The following POC1A variants were observed in gnomAD, a reference collection of about 807,000 sequenced individuals.
The protein encoded by POC1A is POC1 centriolar protein homolog A.
In POC1A, 34 loss-of-function variants were observed where a neutral mutation model predicts 47.8. The ratio of observed to expected loss-of-function variants is 0.71; its 90% CI spans 0.54 to 0.95. POC1A has a LOEUF of 0.95. Ranked by LOEUF, POC1A falls within the 40% of genes least tolerant of loss-of-function variation. The probability of loss-of-function intolerance (pLI) is 0.00; values close to 1 mark genes in which losing one functional copy is unlikely to be tolerated. For missense variants in POC1A, 466 were observed against 528.3 expected (o/e 0.88, Z 1.16); for synonymous variants, 177 against 207.6 (o/e 0.85, Z 1.27).
chr3:52,131,318 G>C (rs1211642913), intron 7 of POC1A, among the ~76,000 whole-genome samples: 2 of 152,314 alleles, frequency 1.3e-5, no homozygotes, highest in East Asian at 1.9e-4. Flanking sequence ...GTGGTAGTTG[G>C]TAGGGAAGCC....
intron 8 of POC1A, among the ~76,000 whole-genome samples, chr3:52,122,826 A>G (rs1182603447): frequency 1.3e-5 from 2 of 152,254 alleles, no homozygotes; most frequent in Admixed American, 1.3e-4. Flanking sequence ...CCACCTTCTC[A>G]GAGAGGCCTT....
At position 52,096,691 on chromosome 3, in the gene POC1A, G is replaced by A. The variant is rs1479211661; in HGVS notation, c.1003C>T (p.Pro335Ser). Reference sequence around the variant, plus strand: ...TCCACACTCCTGCCTCTGCCTGGGGGGACAGGGAAGTCCACTTCTGGCTAA... The same window carrying A: ...TCCACACTCCTGCCTCTGCCTGGGGAGACAGGGAAGTCCACTTCTGGCTAA... ...GNLPEVDFPV[P>S]PGRGRSVESV... The change falls in exon 10 of 11, where the codon CCC becomes TCC. Residue 335 changes from proline (P) to serine (S), a missense_variant. Pro to Ser is a moderately conservative substitution (Grantham distance 74). Coordinates refer to ENST00000296484, the MANE Select transcript of POC1A (RefSeq NM_015426.5). 1 of 1,596,344 alleles carries A rather than the reference G, an allele frequency of 6.3e-7. No homozygotes were observed. The highest frequency in any genetic ancestry group is 2.3e-5 in the East Asian group (1 of 43,952).
At position 52,090,631 on chromosome 3, in the gene POC1A, GA is replaced by G. The variant is rs1452580161; in HGVS notation, c.1125+5937del. Among the ~76,000 whole-genome samples the G allele has an allele frequency of 3.3e-5, 5 of 152,158 alleles. No homozygotes were observed. Among genetic ancestry groups the G allele is most frequent in the Admixed American group, 1.3e-4 (2 of 15,278 alleles). On this transcript the variant is annotated intron_variant, in intron 10 of 10. Transcript: ENST00000296484. The surrounding 1 kb of genome is among the most constrained non-coding windows in gnomAD (Gnocchi z 4.2). ...GCTCATGTAGCAGTGGCTATTTGTG[GA>G]AACAGCCTCTCTCCCTGCTCACTGG... is the stretch of plus-strand genomic sequence containing the variant.
At chr3:52,124,259 T>C (rs780293000) in intron 8 of POC1A, among the ~76,000 whole-genome samples, 1 of 152,224 alleles carries the variant, frequency 6.6e-6, no homozygotes, top group African/African-American at 2.4e-5. Flanking sequence ...AAGAGGACCA[T>C]GCGGACACTG....
chr3:52,149,665 C>T (rs1250114580), intron 3 of POC1A, 151 bp downstream of exon 3: 14 of 774,928 alleles, frequency 1.8e-5, no homozygotes, highest in South Asian at 3.5e-5. Flanking sequence ...AGGGCTCCAA[C>T]TGCAGCCCCA....
At chr3:52,085,736 C>T (rs1702438313) in intron 10 of POC1A, among the ~76,000 whole-genome samples, 1 of 152,226 alleles carries the variant, frequency 6.6e-6, no homozygotes, top group African/African-American at 2.4e-5. Flanking sequence ...ACCACTAACT[C>T]GCCGAGCAGC....
intron 1 of POC1A, among the ~76,000 whole-genome samples, chr3:52,153,287 C>G (rs1698613443): frequency 6.6e-6 from 1 of 152,226 alleles, no homozygotes; most frequent in Admixed American, 6.5e-5. Context: ...AACATCTCCC[C>G]CTACTCTAAG....
At chr3:52,085,898 T>C (rs1226993949) in intron 10 of POC1A, among the ~76,000 whole-genome samples, 2 of 152,202 alleles carry the variant, frequency 1.3e-5, no homozygotes, top group Non-Finnish European at 2.9e-5. Flanking sequence ...ATGACTCCTC[T>C]AGCCATTGCC....
intron 9 of POC1A, among the ~76,000 whole-genome samples, chr3:52,097,270 C>A (rs1383614420): frequency 6.6e-6 from 1 of 152,220 alleles, no homozygotes; most frequent in Non-Finnish European, 1.5e-5. Flanking sequence ...TGTTCCAACC[C>A]CACCCTGGCC....
At chr3:52,119,312 C>T (rs764645707) in intron 9 of POC1A, among the ~76,000 whole-genome samples, 3 of 152,120 alleles carry the variant, frequency 2.0e-5, no homozygotes, top group Non-Finnish European at 2.9e-5. Flanking sequence ...CTGGGCTCCC[C>T]GCTGAGGCAA....
intron 7 of POC1A, among the ~76,000 whole-genome samples, chr3:52,134,066 G>C (rs1488299017): frequency 6.6e-6 from 1 of 152,214 alleles, no homozygotes; most frequent in Non-Finnish European, 1.5e-5. Flanking sequence ...GTAGCAGCAA[G>C]ATGGGGACAC....
intron 7 of POC1A, among the ~76,000 whole-genome samples, chr3:52,136,328 C>G (rs1015085103): frequency 3.9e-5 from 6 of 152,142 alleles, no homozygotes; most frequent in Non-Finnish European, 8.8e-5. Flanking sequence ...GCCTACCCAC[C>G]TTCACCTGCC....
intron 9 of POC1A, 40 bp downstream of exon 9, chr3:52,122,339 A>C: frequency 2.6e-6 from 3 of 1,168,430 alleles, no homozygotes; most frequent in South Asian, 1.2e-5. Context: ...CTAGCCCACC[A>C]GAGTCACAGA....
rs180766410 is a variant in POC1A, at chr3:52,151,175, C to T, written c.19-75G>A. ...TTCCCCAGGGCCAGCACTCTTCCTA[C>T]AACAGCCGGGGGAGTAGGGTTAAAA... On this transcript the variant is annotated intron_variant, in intron 1 of 10. Transcript: ENST00000296484. 4.4e-6 allele frequency: 7 copies of T among 1,601,358 alleles called. No individual in the cohort carries two copies. The East Asian group carries it at 1.6e-4, about 36-fold the overall frequency.
At chr3:52,097,718 C>T (rs1702869151) in intron 9 of POC1A, among the ~76,000 whole-genome samples, 2 of 152,202 alleles carry the variant, frequency 1.3e-5, no homozygotes, top group South Asian at 4.1e-4. Context: ...AATGCTGGCC[C>T]TCATGGTAGC....
intron 9 of POC1A, among the ~76,000 whole-genome samples, chr3:52,113,217 T>C (rs1703442889): frequency 1.3e-5 from 2 of 152,194 alleles, no homozygotes; most frequent in Admixed American, 1.3e-4. Context: ...AGTAATTATT[T>C]AACATGTACC....
intron 7 of POC1A, among the ~76,000 whole-genome samples, 178 bp from the exon 8 acceptor site, chr3:52,125,359 C>A (rs980346294): frequency 6.6e-6 from 1 of 152,186 alleles, no homozygotes; most frequent in African/African-American, 2.4e-5. Context: ...CAGGTGCAAG[C>A]ACCACCGCTC....
intron 10 of POC1A, among the ~76,000 whole-genome samples, chr3:52,082,994 A>G (rs1702349265): frequency 6.6e-6 from 1 of 152,148 alleles, no homozygotes; most frequent in Non-Finnish European, 1.5e-5. Flanking sequence ...CAGATGCCGT[A>G]TCATCCTCCA....
At chr3:52,148,315 C>G (rs1397483888) in intron 4 of POC1A, among the ~76,000 whole-genome samples, 1 of 152,220 alleles carries the variant, frequency 6.6e-6, no homozygotes, top group Non-Finnish European at 1.5e-5. Flanking sequence ...TAAGAGCCAT[C>G]AGGGGTCTCC....
Sources: allele counts gnomAD v4.1 joint callset (sites outside exome capture counted in the v4.1 genomes callset), GRCh38; gene constraint gnomAD v4.1.1; non-coding constraint Gnocchi (gnomAD v3.1); transcripts MANE v1.5; gene names NCBI Gene and HGNC (gene_info 2026-07-23, HGNC 2026-07-21).